The following SH3RF3 variants were observed in gnomAD, a reference collection of about 807,000 sequenced individuals.
The protein encoded by SH3RF3 is E3 ubiquitin-protein ligase SH3RF3.
Under a neutral mutation model 66.3 loss-of-function variants are expected in SH3RF3, and 29 were observed. The ratio of observed to expected loss-of-function variants is 0.44; its 90% CI spans 0.33 to 0.60. The LOEUF (loss-of-function observed/expected upper bound fraction) is 0.60. Among genes scored for constraint, SH3RF3 ranks in the 20% least tolerant of loss-of-function variants. The probability of loss-of-function intolerance (pLI) is 0.04; values close to 1 mark genes in which losing one functional copy is unlikely to be tolerated. For synonymous variants in SH3RF3, 583 were observed against 532.0 expected (o/e 1.10, Z -1.32); for missense variants, 1,194 against 1,190.9 (o/e 1.00, Z -0.04).
At chr2:109,471,849 C>G (rs1299438985) in intron 8 of SH3RF3, among the ~76,000 whole-genome samples, 1 of 152,216 alleles carries the variant, frequency 6.6e-6, no homozygotes, top group Non-Finnish European at 1.5e-5. Context: ...TTTCCACACT[C>G]TATTTGCTGA....
intron 1 of SH3RF3, among the ~76,000 whole-genome samples, chr2:109,261,191 C>T (rs1158361438): frequency 6.6e-6 from 1 of 152,084 alleles, no homozygotes; most frequent in South Asian, 2.1e-4. Flanking sequence ...CAGGTATGGT[C>T]AGGGCCCTTT....
At chr2:109,463,442 G>T (rs559994432) in intron 8 of SH3RF3, among the ~76,000 whole-genome samples, 2 of 152,192 alleles carry the variant, frequency 1.3e-5, no homozygotes, top group Non-Finnish European at 2.9e-5. Flanking sequence ...CCACTGTAAG[G>T]TCCGGCCTGT....
chr2:109,363,873 C>T (rs1249491255), intron 2 of SH3RF3, among the ~76,000 whole-genome samples: 1 of 152,160 alleles, frequency 6.6e-6, no homozygotes, highest in Non-Finnish European at 1.5e-5. Flanking sequence ...TCCCCTCTGA[C>T]TTCTTTCAGG....
At chr2:109,228,284 T>A (rs1679419750) in intron 1 of SH3RF3, among the ~76,000 whole-genome samples, 2 of 152,224 alleles carry the variant, frequency 1.3e-5, no homozygotes, top group Admixed American at 1.3e-4. Context: ...AGGCTTTTAT[T>A]GTCTCATTAA....
chr2:109,148,910 C>CA (rs1271863513), intron 1 of SH3RF3, among the ~76,000 whole-genome samples: 4 of 151,532 alleles, frequency 2.6e-5, no homozygotes, highest in African/African-American at 4.9e-5. Context: ...TGGTTTTACC[C>CA]AAAAAAAATC....
chr2:109,397,637 T>C (rs1204262739), intron 3 of SH3RF3, among the ~76,000 whole-genome samples: 1 of 152,150 alleles, frequency 6.6e-6, no homozygotes, highest in Non-Finnish European at 1.5e-5. Context: ...ACTGAGGCCC[T>C]GAGGACCAGC....
Position 109,303,731 on chromosome 2 carries a change from G to T in SH3RF3, c.574-43943G>T, listed in dbSNP as rs148482248. 2.6e-5 allele frequency among the ~76,000 whole-genome samples: 4 copies of T among 152,274 alleles called. No individual in the cohort carries two copies. The East Asian group carries it at 7.7e-4, about 29-fold the overall frequency. On this transcript the variant is annotated intron_variant, in intron 1 of 9. Coordinates refer to ENST00000309415, the MANE Select transcript of SH3RF3 (RefSeq NM_001099289.3). ...AAACCACTTTGTTGAGGCCTGGTTGGCATATAAAAAGCTGGGCATATTTTA... is the reference window on the plus strand; with the variant it reads ...AAACCACTTTGTTGAGGCCTGGTTGTCATATAAAAAGCTGGGCATATTTTA...
rs141732069 is a variant in SH3RF3 at position 109,244,013 on chromosome 2, T to A, written c.574-103661T>A. On this transcript the variant is annotated intron_variant, in intron 1 of 9. Coordinates refer to ENST00000309415, the MANE Select transcript of SH3RF3 (RefSeq NM_001099289.3). ...GTGCTCATAGGTGAAGTTTTTGCCA[T>A]CAGCAGTGATCATTAAACAGTGAGA... 1.6e-3 allele frequency among the ~76,000 whole-genome samples: 238 copies of A among 152,332 alleles called. 1 individual carries two copies. Among genetic ancestry groups the A allele is most frequent in the Non-Finnish European group, 2.3e-3 (156 of 68,026 alleles).
chr2:109,302,482 C>A (rs1385428730), intron 1 of SH3RF3, among the ~76,000 whole-genome samples: 1 of 152,252 alleles, frequency 6.6e-6, no homozygotes, highest in Non-Finnish European at 1.5e-5. Context: ...CCTCTTAGGG[C>A]CCCCATAGGG....
chr2:109,391,891 G>A (rs1231058256), intron 3 of SH3RF3, among the ~76,000 whole-genome samples: 65 of 151,986 alleles, frequency 4.3e-4, no homozygotes, highest in Non-Finnish European at 8.8e-5. Context: ...CCAGGCTGAA[G>A]TGCAGTGGCG....
intron 1 of SH3RF3, among the ~76,000 whole-genome samples, chr2:109,148,838 C>T (rs1407413478): frequency 1.2e-5 from 1 of 83,398 alleles, no homozygotes; most frequent in Non-Finnish European, 2.8e-5. Flanking sequence ...GCAATCATGG[C>T]AGTGTTTTTT....
chr2:109,452,494 C>T (rs546354247), intron 8 of SH3RF3, among the ~76,000 whole-genome samples: 272 of 152,346 alleles, frequency 1.8e-3, no homozygotes, highest in Non-Finnish European at 3.2e-3. Flanking sequence ...AGTTTCCTAG[C>T]GCTAGTGCTG....
chr2:109,391,684 G>A (rs1036540139), intron 3 of SH3RF3, among the ~76,000 whole-genome samples: 1 of 152,198 alleles, frequency 6.6e-6, no homozygotes. Flanking sequence ...TAAGAGTTTG[G>A]CATTGTCCAC....
At chr2:109,422,428 T>C (rs1428182866) in intron 5 of SH3RF3, among the ~76,000 whole-genome samples, 1 of 152,228 alleles carries the variant, frequency 6.6e-6, no homozygotes, top group East Asian at 1.9e-4. Context: ...AGTGTGTCGA[T>C]GGCTGGATGT....
chr2:109,129,360 ACGCAGGCCGGTCG>A lies in SH3RF3; in HGVS notation c.-180_-168del. 5.3e-6 allele frequency: 2 copies of A among 377,904 alleles called. No homozygotes were observed. Among genetic ancestry groups the A allele is most frequent in the Non-Finnish European group, 8.9e-6 (2 of 224,122 alleles). 23.4% of individuals were successfully genotyped at this position (377,904 alleles called of 1,614,324 possible). A position where few individuals can be genotyped will look rare whatever the true frequency, so the allele number is the denominator to read the frequency against. On this transcript the variant is annotated 5_prime_UTR_variant, in exon 1 of 10. Coordinates refer to ENST00000309415, the MANE Select transcript of SH3RF3 (RefSeq NM_001099289.3). ...CCCGCCACGCAGGCCGGTCCCCGCC[ACGCAGGCCGGTCG>A]GTGAGCCACTTCGCACCGCCACAGC...
chr2:109,384,841 C>T (rs979118991), intron 3 of SH3RF3, among the ~76,000 whole-genome samples: 6 of 152,198 alleles, frequency 3.9e-5, no homozygotes, highest in East Asian at 1.9e-4. Context: ...AACTCCAACC[C>T]GATGGTTCCC....
rs145016319 is a variant in SH3RF3 at position 109,217,356 on chromosome 2, A to G, written c.573+87243A>G. Among the ~76,000 whole-genome samples the G allele has an allele frequency of 2.6e-5, 4 of 152,354 alleles. No homozygotes were observed. The East Asian group carries it at 7.7e-4, about 29-fold the overall frequency. Reference sequence around the variant, plus strand: ...ATACGTATTTGGAACTGCACTTACCATATCGTGAATGAGGCTACAGGTCAA... The same window carrying G: ...ATACGTATTTGGAACTGCACTTACCGTATCGTGAATGAGGCTACAGGTCAA... On this transcript the variant is annotated intron_variant, in intron 1 of 9. Coordinates refer to ENST00000309415, the MANE Select transcript of SH3RF3 (RefSeq NM_001099289.3).
intron 8 of SH3RF3, among the ~76,000 whole-genome samples, chr2:109,483,710 T>C (rs1193954421): frequency 2.6e-5 from 4 of 152,236 alleles, no homozygotes; most frequent in African/African-American, 7.2e-5. Flanking sequence ...GAGCACATTC[T>C]TGTGGCTGTC....
At chr2:109,382,196 C>A in intron 3 of SH3RF3, among the ~76,000 whole-genome samples, 1 of 152,200 alleles carries the variant, frequency 6.6e-6, no homozygotes, top group East Asian at 1.9e-4. Context: ...TTCTTTGTAG[C>A]CCAGGAATTT....
Sources: gnomAD v4.1 joint callset for allele counts (sites outside exome capture counted in the v4.1 genomes callset) on GRCh38, gnomAD v4.1.1 for gene constraint, MANE v1.5 for transcripts, NCBI Gene and HGNC (gene_info 2026-07-23, HGNC 2026-07-21) for gene names.